Variants in G6PC3 observed in about 807,000 individuals in gnomAD.
The protein encoded by G6PC3 is glucose-6-phosphatase catalytic subunit 3.
In G6PC3, 30 loss-of-function variants were observed where a neutral mutation model predicts 38.6. The observed-to-expected ratio is 0.78, with a 90% CI of 0.58 to 1.05. The LOEUF (loss-of-function observed/expected upper bound fraction) is 1.05. Ranked by LOEUF, G6PC3 falls within the 50% of genes least tolerant of loss-of-function variation. The pLI is 0.00. For missense variants in G6PC3, 377 were observed against 443.1 expected (o/e 0.85, Z 1.34); for synonymous variants, 192 against 178.1 (o/e 1.08, Z -0.62).
intron 1 of G6PC3, 147 bp from the exon 2 acceptor site, chr17:44,074,013 G>A: frequency 1.3e-6 from 1 of 759,216 alleles, no homozygotes; most frequent in African/African-American, 1.7e-5. Context: ...AGGTATCCAT[G>A]GATACCTTGA....
chr17:44,074,917 G>A, intron 3 of G6PC3, 52 bp from the exon 4 acceptor site: 7 of 1,526,202 alleles, frequency 4.6e-6, no homozygotes, highest in African/African-American at 1.4e-5. Context: ...TGCTGCAGGA[G>A]GCCAAGCTGT....
intron 1 of G6PC3, chr17:44,072,627 C>CTTTTTT (rs57662252): frequency 1.3e-4 from 16 of 127,470 alleles, no homozygotes; most frequent in Middle Eastern, 4.8e-3. Flanking sequence ...ACCTGGCATT[C>CTTTTTT]TTTTTTTTTT....
Position 44,071,652 on chromosome 17 carries a change from C to T in G6PC3, c.218+469C>T, listed in dbSNP as rs1479562297. 4.7e-6 allele frequency: 6 copies of T among 1,283,490 alleles called. No individual in the cohort carries two copies. In the African/African-American group the frequency reaches 7.6e-5, roughly 16 times the overall value. 79.5% of individuals were successfully genotyped at this position (1,283,490 alleles called of 1,614,324 possible). A position where few individuals can be genotyped will look rare whatever the true frequency, so the allele number is the denominator to read the frequency against. ...GAAGCATGCTTTGTGCTGGGCATCA[C>T]GGTAGCTGCTAAGGACAGAGACACC... On this transcript the variant is annotated intron_variant, in intron 1 of 5. Transcript: ENST00000269097.
At position 44,074,960 on chromosome 17, in the gene G6PC3, T is replaced by G. The variant is rs759937203; in HGVS notation, c.417-9T>G. ...CACGCTCTGAGCTCCTTGCCTCTCT[T>G]CTTTCTAGCCGCTGGGTAAGGGTGA... On this transcript the variant is annotated splice_polypyrimidine_tract_variant and intron_variant, in intron 3 of 5. Coordinates refer to ENST00000269097, the MANE Select transcript of G6PC3 (RefSeq NM_138387.4). 2 of 1,612,168 alleles carry G rather than the reference T, an allele frequency of 1.2e-6. No homozygotes were observed. Among genetic ancestry groups the G allele is most frequent in the Non-Finnish European group, 8.5e-7 (1 of 1,178,144 alleles).
chr17:44,071,838 G>T, intron 1 of G6PC3: 1 of 439,032 alleles, frequency 2.3e-6, no homozygotes, highest in Non-Finnish European at 4.6e-6. Flanking sequence ...ATGCAGTAAA[G>T]TTTGGGCTAA....
At chr17:44,075,272 C>G (rs762346399) in intron 4 of G6PC3, 38 bp from the exon 5 acceptor site, 3 of 1,613,360 alleles carry the variant, frequency 1.9e-6, no homozygotes, top group Admixed American at 1.7e-5. Context: ...GGTCATATCC[C>G]CAGACTCCTT....
intron 1 of G6PC3, chr17:44,071,608 CATTT>C (rs772650070): frequency 4.0e-5 from 50 of 1,264,626 alleles, no homozygotes; most frequent in South Asian, 3.8e-4. Context: ...TGTATTCATT[CATTT>C]GCTATAATTT....
intron 1 of G6PC3, 23 bp downstream of exon 1, chr17:44,071,206 C>T: frequency 6.2e-7 from 1 of 1,607,348 alleles, no homozygotes; most frequent in Non-Finnish European, 8.5e-7. Flanking sequence ...AGCCCTCCGG[C>T]ATCCTGGTCC....
chr17:44,075,743 CT>C lies in G6PC3; in HGVS notation c.744del (p.Phe248LeufsTer4). On this transcript the variant is annotated frameshift_variant, in exon 6 of 6. Transcript: ENST00000269097. LOFTEE classifies it high-confidence loss of function. Reference sequence around the variant, plus strand: ...AGTGGATACACGTGGATAGCCGGCCCTTTGCCTCCCTGAGCCGTGACTCAGG... The same window carrying C: ...AGTGGATACACGTGGATAGCCGGCCCTTGCCTCCCTGAGCCGTGACTCAGG... ...PEWIHVDSRP[F>X]ASLSRDSGAA... 6.2e-7 allele frequency: 1 copy of C among 1,612,782 alleles called. No individual in the cohort carries two copies.
At chr17:44,075,261 G>A (rs1175999652) in intron 4 of G6PC3, 49 bp from the exon 5 acceptor site, 4 of 1,611,076 alleles carry the variant, frequency 2.5e-6, no homozygotes, top group South Asian at 2.2e-5. Flanking sequence ...GGGGTGGGGA[G>A]GGTCATATCC....
intron 1 of G6PC3, chr17:44,071,653 G>A (rs763073249): frequency 5.5e-5 from 70 of 1,283,512 alleles, no homozygotes; most frequent in African/African-American, 1.1e-4. Flanking sequence ...TGGGCATCAC[G>A]GTAGCTGCTA....
At chr17:44,075,138 G>A (rs776358965) in intron 4 of G6PC3, 51 bp downstream of exon 4, 21 of 1,533,090 alleles carry the variant, frequency 1.4e-5, no homozygotes, top group Non-Finnish European at 1.8e-5. Context: ...TTGGCAGTGG[G>A]AGGATCAGTC....
rs2144150558 is a variant in G6PC3 at position 44,075,197 on chromosome 17, C to T, written c.535+110C>T. 1.8e-5 allele frequency: 28 copies of T among 1,520,422 alleles called. No homozygotes were observed. The South Asian group carries it at 2.9e-4, about 16-fold the overall frequency. 94.2% of individuals were successfully genotyped at this position (1,520,422 alleles called of 1,614,324 possible). A position where few individuals can be genotyped will look rare whatever the true frequency, so the allele number is the denominator to read the frequency against. On this transcript the variant is annotated intron_variant, in intron 4 of 5. Coordinates refer to ENST00000269097, the MANE Select transcript of G6PC3 (RefSeq NM_138387.4). ...CTTCTGTAGAGCCCACCCCAGAGGC[C>T]CCCCGTTATGTCTCAGTTTATTCTC...
In G6PC3 at chr17:44,070,877, T is replaced by C. The variant is rs1024613143; in HGVS notation, c.-89T>C. On this transcript the variant is annotated 5_prime_UTR_variant, in exon 1 of 6. Coordinates refer to ENST00000269097, the MANE Select transcript of G6PC3 (RefSeq NM_138387.4). ...GCCTGGGGCTCAGAGGGGTGGGCTT[T>C]GGAGATCAGAGGGTCGACGCTGCTT... The C allele has an allele frequency of 7.6e-6, 11 of 1,450,218 alleles. No homozygotes were observed. The Admixed American group carries it at 1.8e-4, about 23-fold the overall frequency. 89.8% of individuals were successfully genotyped at this position (1,450,218 alleles called of 1,614,324 possible).
At chr17:44,073,780 A>G in intron 1 of G6PC3, 1 of 281,118 alleles carries the variant, frequency 3.6e-6, no homozygotes, top group Non-Finnish European at 6.9e-6. Context: ...TTTTTGTTGA[A>G]TCTGGGTCTT....
At chr17:44,072,692 A>G (rs1480123515) in intron 1 of G6PC3, 4 of 129,868 alleles carry the variant, frequency 3.1e-5, no homozygotes, top group African/African-American at 1.1e-4. Flanking sequence ...CTGGCGTGCA[A>G]TGGCATGATC....
At chr17:44,072,984 C>T (rs1048622445) in intron 1 of G6PC3, 5 of 152,156 alleles carry the variant, frequency 3.3e-5, no homozygotes, top group African/African-American at 7.2e-5. Context: ...ATACTAGGCT[C>T]AGTTTTCAGA....
chr17:44,071,143 A>G lies in G6PC3; in HGVS notation c.178A>G (p.Ile60Val), dbSNP rs1257419637. 1 of 1,613,944 alleles carries G rather than the reference A, an allele frequency of 6.2e-7. No homozygotes were observed. Among genetic ancestry groups the G allele is most frequent in the South Asian group, 1.1e-5 (1 of 91,036 alleles). ...CCGTGTGGGCATCGCGGTGCTCTGG[A>G]TCAGCCTCATCACCGAGTGGCTCAA... is the stretch of plus-strand genomic sequence containing the variant. The part of the protein sequence containing the change: ...SRRVGIAVLW[I>V]SLITEWLNLI... The change falls in exon 1 of 6, where the codon ATC (isoleucine) becomes GTC (valine). Residue 60 changes from isoleucine to valine, a missense_variant. Transcript: ENST00000269097.
Position 44,076,112 on chromosome 17 carries a change from G to GGCAGCCCCATCCCCTT in G6PC3, c.*70_*85dup, listed in dbSNP as rs1478376608. On this transcript the variant is annotated 3_prime_UTR_variant, in exon 6 of 6. Transcript: ENST00000269097. ...ACTCTGTGACCACCACACTCCAGGA[G>GGCAGCCCCATCCCCTT]GCAGCCCCATCCCCTTCCAGCCCCT... is the stretch of plus-strand genomic sequence containing the variant. 3 of 1,595,854 alleles carry GGCAGCCCCATCCCCTT rather than the reference G, an allele frequency of 1.9e-6. No homozygotes were observed. In the African/African-American group the frequency reaches 4.0e-5, roughly 21 times the overall value.
Sources: gnomAD v4.1 joint callset for allele counts on GRCh38, gnomAD v4.1.1 for gene constraint, MANE v1.5 for transcripts, NCBI Gene and HGNC (gene_info 2026-07-23, HGNC 2026-07-21) for gene names.